SCAPER: variants seen among roughly 807,000 people sequenced by gnomAD.
SCAPER encodes the protein S-phase cyclin A associated protein in the ER, also known as S phase cyclin A-associated protein in the endoplasmic reticulum.
A neutral mutation model predicts 182.2 loss-of-function variants in SCAPER; 98 were observed. The observed-to-expected ratio is 0.54, with a 90% CI of 0.46 to 0.64. The LOEUF is 0.64. Ranked by LOEUF, SCAPER falls within the 30% of genes least tolerant of loss-of-function variation. The pLI, the probability that SCAPER is intolerant of heterozygous loss-of-function variation, is 0.00. For missense variants in SCAPER, 1,432 were observed against 1,690.0 expected (o/e 0.85, Z 2.68); for synonymous variants, 605 against 564.6 (o/e 1.07, Z -1.01).
intron 17 of SCAPER, among the ~76,000 whole-genome samples, chr15:76,719,195 A>C (rs1436663404): frequency 2.0e-5 from 3 of 152,216 alleles, no homozygotes. Context: ...TAGTATACAT[A>C]CCATTTAGCC....
chr15:76,609,885 T>TC (rs920978294), intron 22 of SCAPER, among the ~76,000 whole-genome samples: 1 of 152,070 alleles, frequency 6.6e-6, no homozygotes, highest in African/African-American at 2.4e-5. Flanking sequence ...TCTTTTTTTT[T>TC]CCCCCTTATG....
intron 17 of SCAPER, among the ~76,000 whole-genome samples, chr15:76,718,207 A>T (rs1191251579): frequency 6.6e-6 from 1 of 152,226 alleles, no homozygotes; most frequent in African/African-American, 2.4e-5. Context: ...AAAGGAAATT[A>T]AAAAATATCT....
chr15:76,633,919 C>A lies in SCAPER; in HGVS notation c.2646-12090G>T, dbSNP rs116371270. Reference sequence around the variant, plus strand: ...CATTTTAGCTTATAGGGAGTTGGGGCCCACTGAGGGCGGCCACTTTGGTCC... The same window carrying A: ...CATTTTAGCTTATAGGGAGTTGGGGACCACTGAGGGCGGCCACTTTGGTCC... On this transcript the variant is annotated intron_variant, in intron 21 of 31. Coordinates refer to ENST00000563290, the MANE Select transcript of SCAPER (RefSeq NM_020843.4). Among the ~76,000 whole-genome samples, 1,240 of 152,306 alleles carry A rather than the reference C, an allele frequency of 8.1e-3. 13 individuals carry two copies. The highest frequency in any genetic ancestry group is 0.028 in the African/African-American group (1,176 of 41,560).
chr15:76,767,254 C>A (rs1485804663), intron 10 of SCAPER, among the ~76,000 whole-genome samples, 166 bp from the exon 11 acceptor site: 1 of 152,066 alleles, frequency 6.6e-6, no homozygotes, highest in Non-Finnish European at 1.5e-5. Flanking sequence ...TAGCTGTGTG[C>A]CTTAGAAGCT....
intron 1 of SCAPER, among the ~76,000 whole-genome samples, chr15:76,895,682 T>G (rs2074391458): frequency 6.6e-6 from 1 of 151,978 alleles, no homozygotes; most frequent in African/African-American, 2.4e-5. Context: ...AAAATCAAAA[T>G]ACAAAATAGA....
chr15:76,665,999 A>G (rs1241525639), intron 20 of SCAPER, among the ~76,000 whole-genome samples: 1 of 152,198 alleles, frequency 6.6e-6, no homozygotes, highest in East Asian at 1.9e-4. Flanking sequence ...TTGCATATCA[A>G]TTGTGCCAAT....
Position 76,434,252 on chromosome 15 carries a change from A to G in SCAPER, c.3137T>C (p.Phe1046Ser), listed in dbSNP as rs1194792864. 1.2e-6 allele frequency: 2 copies of G among 1,613,894 alleles called. No homozygotes were observed. The highest frequency in any genetic ancestry group is 1.1e-5 in the South Asian group (1 of 91,064). Residue 1046 changes from phenylalanine (F) to serine (S), a missense_variant, in exon 26 of 32, where the codon TTT (phenylalanine) becomes TCT (serine). Phe to Ser is a radical substitution (Grantham distance 155). This residue lies in a region of SCAPER where 718 missense variants were observed against 799.7 expected (regional missense o/e 0.90). Transcript: ENST00000563290. The stretch of plus-strand genomic sequence containing the variant: ...GAGAAGTCCAGTTGTCAAGCCTTCA[A>G]AAACTTGTTTATTTGTATTTCTCCC... Reference protein sequence around the residue: ...ILGRNTNKQVFEGLTTGLLKV... With the variant: ...ILGRNTNKQVSEGLTTGLLKV...
intron 25 of SCAPER, among the ~76,000 whole-genome samples, chr15:76,459,605 A>C (rs188753894): frequency 6.7e-6 from 1 of 149,570 alleles, no homozygotes; most frequent in East Asian, 2.0e-4. Context: ...ATAGTTTGTA[A>C]ATATTTTCTC....
chr15:76,751,963 C>T (rs1211269949), intron 15 of SCAPER, among the ~76,000 whole-genome samples: 2 of 151,248 alleles, frequency 1.3e-5, no homozygotes, highest in African/African-American at 2.4e-5. Context: ...TGGGAGAAAA[C>T]GTTTGCAAAT....
At chr15:76,753,751 A>G in intron 15 of SCAPER, 57 bp downstream of exon 15, 2 of 1,549,230 alleles carry the variant, frequency 1.3e-6, no homozygotes, top group Middle Eastern at 1.7e-4. Flanking sequence ...CTATTATATA[A>G]CAATTCAAAA....
intron 22 of SCAPER, among the ~76,000 whole-genome samples, chr15:76,579,265 CAAAAAAAAAAAA>C (rs71143342): frequency 2.0e-5 from 1 of 49,484 alleles, no homozygotes; most frequent in African/African-American, 8.9e-5. Context: ...GACTCTGTCT[CAAAAAAAAAAAA>C]AAAAAAAAAA....
rs2047049746 is a variant in SCAPER at position 76,434,267 on chromosome 15, G to A, written c.3122C>T (p.Thr1041Ile). 1.2e-6 allele frequency: 2 copies of A among 1,612,928 alleles called. No homozygotes were observed. The highest frequency in any genetic ancestry group is 1.7e-5 in the Admixed American group (1 of 59,914). ...CAAGCCTTCAAAAACTTGTTTATTTGTATTTCTCCCCAAAATAGTATTATT... is the reference window on the plus strand; with the variant it reads ...CAAGCCTTCAAAAACTTGTTTATTTATATTTCTCCCCAAAATAGTATTATT... ...DENNTILGRN[T>I]NKQVFEGLTT... is the part of the protein sequence containing the mutation. Residue 1041 changes from threonine (T) to isoleucine (I), a missense_variant, in exon 26 of 32, where the codon ACA becomes ATA. By Grantham distance (89) the Thr-to-Ile change is moderately conservative. This residue lies in a region of SCAPER where 718 missense variants were observed against 799.7 expected (regional missense o/e 0.90). Coordinates refer to ENST00000563290, the MANE Select transcript of SCAPER (RefSeq NM_020843.4).
At chr15:76,592,021 T>C (rs953984306) in intron 22 of SCAPER, among the ~76,000 whole-genome samples, 4 of 152,112 alleles carry the variant, frequency 2.6e-5, no homozygotes, top group South Asian at 4.1e-4. Flanking sequence ...TATTGCACCA[T>C]TGCACACTAC....
At chr15:76,510,895 G>GCA (rs2041976883) in intron 23 of SCAPER, among the ~76,000 whole-genome samples, 5 of 151,944 alleles carry the variant, frequency 3.3e-5, no homozygotes, top group African/African-American at 1.2e-4. Context: ...GTGTGCGCGC[G>GCA]CGCACGTATG....
In SCAPER at chr15:76,779,332, A is replaced by G. The variant is rs1264963082; in HGVS notation, c.773-4215T>C. The stretch of plus-strand genomic sequence containing the variant: ...AAGTATAAAATAACTGACATCACAC[A>G]AAGTATGTTCACAATAGGAATTAAA... On this transcript the variant is annotated intron_variant, in intron 8 of 31. Coordinates refer to ENST00000563290, the MANE Select transcript of SCAPER (RefSeq NM_020843.4). 2.0e-5 allele frequency among the ~76,000 whole-genome samples: 3 copies of G among 152,302 alleles called. No individual in the cohort carries two copies. In the East Asian group the frequency reaches 5.8e-4, roughly 29 times the overall value.
At chr15:76,567,783 T>C (rs1490624758) in intron 23 of SCAPER, among the ~76,000 whole-genome samples, 2 of 152,134 alleles carry the variant, frequency 1.3e-5, no homozygotes, top group African/African-American at 4.8e-5. Flanking sequence ...TTTTGTTGAT[T>C]ATATATATGT....
chr15:76,350,366 T>TTGTGTGTGTGTGTGTGTGTG (rs10660714), intron 31 of SCAPER: 1 of 145,408 alleles, frequency 6.9e-6, no homozygotes, highest in African/African-American at 2.6e-5. Flanking sequence ...GTAGAGGACT[T>TTGTGTGTGTGTGTGTGTGTG]TGTGTGTGTG....
chr15:76,869,055 T>A (rs922932544), intron 2 of SCAPER, among the ~76,000 whole-genome samples: 2 of 152,158 alleles, frequency 1.3e-5, no homozygotes, highest in African/African-American at 4.8e-5. Context: ...GAAAACTGGA[T>A]AACTTTATGC....
intron 5 of SCAPER, among the ~76,000 whole-genome samples, chr15:76,832,392 A>G (rs1321185752): frequency 6.6e-6 from 1 of 152,270 alleles, no homozygotes; most frequent in Non-Finnish European, 1.5e-5. Context: ...TCAGAGGTCA[A>G]AGACTGCTCT....
Sources: gnomAD v4.1 joint callset for allele counts (sites outside exome capture counted in the v4.1 genomes callset) on GRCh38, gnomAD v4.1.1 for gene constraint, gnomAD v4.1.1 regional missense constraint, MANE v1.5 for transcripts, NCBI Gene and HGNC (gene_info 2026-07-23, HGNC 2026-07-21) for gene names.